CDH23: variants seen among roughly 807,000 people sequenced by gnomAD.
CDH23 encodes cadherin related 23, also known as cadherin-23.
In CDH23, 189 loss-of-function variants were observed where a neutral mutation model predicts 317.1. The observed-to-expected ratio is 0.60, with a 90% CI of 0.53 to 0.67. CDH23 has a LOEUF of 0.67. CDH23 is among the 30% of genes least tolerant of loss of function. The pLI is 0.00. For synonymous variants in CDH23, 1,839 were observed against 1,876.8 expected (o/e 0.98, Z 0.52); for missense variants, 4,401 against 4,592.4 (o/e 0.96, Z 1.20).
At chr10:71,460,100 C>A (rs2132058072) in intron 3 of CDH23, among the ~76,000 whole-genome samples, 1 of 152,354 alleles carries the variant, frequency 6.6e-6, no homozygotes, top group Admixed American at 6.5e-5. Context: ...GCTGCCCACC[C>A]AAGGGCTCAT....
At chr10:71,795,802 C>A in intron 48 of CDH23, 2 of 983,358 alleles carry the variant, frequency 2.0e-6, no homozygotes, top group Non-Finnish European at 2.4e-6. Context: ...CTGATGTTAA[C>A]CCTCTTCTCT....
intron 38 of CDH23, among the ~76,000 whole-genome samples, chr10:71,774,001 A>T (rs1414305239): frequency 1.3e-5 from 2 of 151,836 alleles, no homozygotes; most frequent in African/African-American, 4.8e-5. Context: ...AGCTGGAGCC[A>T]GTTTAACTGT....
chr10:71,674,526 A>G (rs539814537), intron 14 of CDH23, among the ~76,000 whole-genome samples: 1 of 152,202 alleles, frequency 6.6e-6, no homozygotes, highest in Non-Finnish European at 1.5e-5. Flanking sequence ...AAGAGAGCAG[A>G]GGTCACATCT....
chr10:71,678,959 G>C (rs1017086219), intron 16 of CDH23, among the ~76,000 whole-genome samples: 7 of 152,148 alleles, frequency 4.6e-5, no homozygotes, highest in Admixed American at 6.5e-5. Context: ...TTACCACTGG[G>C]TGTAAGGGGA....
chr10:71,640,463 G>A (rs565351402), intron 11 of CDH23, among the ~76,000 whole-genome samples: 2 of 152,310 alleles, frequency 1.3e-5, no homozygotes, highest in Admixed American at 6.5e-5. Context: ...ACAGTACTGG[G>A]CCCAGTCCGG....
At chr10:71,429,038 C>G (rs1394160113) in intron 1 of CDH23, among the ~76,000 whole-genome samples, 2 of 152,056 alleles carry the variant, frequency 1.3e-5, no homozygotes, top group Non-Finnish European at 2.9e-5. Flanking sequence ...CGTTTTTACT[C>G]TGTTGATAGT....
At chr10:71,403,973 T>C (rs1312336186) in intron 1 of CDH23, among the ~76,000 whole-genome samples, 1 of 152,112 alleles carries the variant, frequency 6.6e-6, no homozygotes, top group Non-Finnish European at 1.5e-5. Flanking sequence ...ATGCCTGCAG[T>C]CCCAGTTTTT....
intron 1 of CDH23, among the ~76,000 whole-genome samples, chr10:71,414,889 C>T (rs1434141809): frequency 6.6e-6 from 1 of 152,012 alleles, no homozygotes; most frequent in Non-Finnish European, 1.5e-5. Context: ...AATATAGGAC[C>T]ATTTATATTC....
chr10:71,645,630 TTTCC>T (rs759181492), intron 12 of CDH23, 197 bp from the exon 13 acceptor site: 2 of 756,916 alleles, frequency 2.6e-6, no homozygotes, highest in African/African-American at 3.4e-5. Flanking sequence ...CCAGAGGAGG[TTTCC>T]AGAGGGCCTA....
intron 57 of CDH23, among the ~76,000 whole-genome samples, chr10:71,806,579 A>ATTT (rs11323009): frequency 1.5e-5 from 2 of 130,612 alleles, no homozygotes; most frequent in Non-Finnish European, 1.6e-5. Flanking sequence ...ATCAGCTCTG[A>ATTT]TTTTTTTTTT....
At chr10:71,584,832 A>G (rs16929083) in intron 9 of CDH23, among the ~76,000 whole-genome samples, 28,513 of 152,202 alleles carry the variant, frequency 0.19, 2,802 homozygotes, top group South Asian at 0.34. Flanking sequence ...GGGTAGCACA[A>G]TGGCTGCCTG....
chr10:71,682,326 C>T, intron 17 of CDH23, 119 bp from the exon 18 acceptor site: 6 of 1,356,452 alleles, frequency 4.4e-6, no homozygotes, highest in Non-Finnish European at 6.0e-6. Flanking sequence ...GTTCAGAAAA[C>T]AAGCCAGAGC....
In CDH23 at chr10:71,602,548, G is replaced by C. The variant is rs370889166; in HGVS notation, c.833-12956G>C. Among the ~76,000 whole-genome samples, 66 of 152,300 alleles carry C rather than the reference G, an allele frequency of 4.3e-4. No homozygotes were observed. In the East Asian group the frequency reaches 9.1e-3, roughly 21 times the overall value. On this transcript the variant is annotated intron_variant, in intron 9 of 69. Coordinates refer to ENST00000224721, the MANE Select transcript of CDH23 (RefSeq NM_022124.6). ...GGACTGAACAGATGGCAGTTGGAGG[G>C]GGAGGCTGGACCCTGGGCAGTAGGA...
In CDH23 at chr10:71,397,301, G is replaced by A. The variant is rs1847564154; in HGVS notation, c.-23G>A. ...CCGAGGCGAGGCGAGGCGCGGCGCC[G>A]CTGCACACACGCACACGGTACCCGG... On this transcript the variant is annotated 5_prime_UTR_variant, in exon 1 of 70. Coordinates refer to ENST00000224721, the MANE Select transcript of CDH23 (RefSeq NM_022124.6). The surrounding 1 kb of genome is among the most constrained non-coding windows in gnomAD (Gnocchi z 4.8). 6.0e-6 allele frequency: 1 copy of A among 167,534 alleles called. No individual in the cohort carries two copies. The allele number at this position is 167,534 out of a possible 1,614,324, so 10.4% of individuals were successfully genotyped here. A position where few individuals can be genotyped will look rare whatever the true frequency, so the allele number is the denominator to read the frequency against.
At chr10:71,577,436 A>C (rs1177142946) in intron 8 of CDH23, among the ~76,000 whole-genome samples, 1 of 151,956 alleles carries the variant, frequency 6.6e-6, no homozygotes, top group Non-Finnish European at 1.5e-5. Context: ...TCATCCCTAA[A>C]GTAGTTGAGC....
intron 3 of CDH23, among the ~76,000 whole-genome samples, chr10:71,489,597 GT>G (rs1852538540): frequency 1.3e-4 from 15 of 117,486 alleles, no homozygotes; most frequent in East Asian, 4.6e-4. Context: ...GCCTCGGGGT[GT>G]GTGTGTGTGT....
intron 3 of CDH23, among the ~76,000 whole-genome samples, chr10:71,451,377 C>T (rs971123474): frequency 1.3e-5 from 2 of 152,214 alleles, no homozygotes; most frequent in East Asian, 1.9e-4. Context: ...AGTAAAAGCC[C>T]GTGTTCCTCA....
intron 9 of CDH23, among the ~76,000 whole-genome samples, chr10:71,600,991 G>C (rs190072899): frequency 6.6e-6 from 1 of 152,284 alleles, no homozygotes; most frequent in East Asian, 1.9e-4. Context: ...CAAGATGTTT[G>C]ATGTTTTCCA....
At chr10:71,500,696 A>G (rs114402920) in intron 3 of CDH23, among the ~76,000 whole-genome samples, 2,926 of 152,162 alleles carry the variant, frequency 0.019, 63 homozygotes, top group African/African-American at 0.054. Flanking sequence ...GTGGAATGAG[A>G]AAGACTTGGG....
Sources: gnomAD v4.1 joint callset for allele counts (sites outside exome capture counted in the v4.1 genomes callset) on GRCh38, gnomAD v4.1.1 for gene constraint, Gnocchi (gnomAD v3.1) non-coding constraint, MANE v1.5 for transcripts, NCBI Gene and HGNC (gene_info 2026-07-23, HGNC 2026-07-21) for gene names.